AGAP1: variants seen among roughly 807,000 people sequenced by gnomAD.
AGAP1 encodes the protein ArfGAP with GTPase domain, ankyrin repeat and PH domain 1, also known as arf-GAP with GTPase, ANK repeat and PH domain-containing protein 1.
AGAP1 carries 29 observed loss-of-function variants against 105.3 expected under a neutral mutation model. The observed-to-expected ratio is 0.28, with a 90% CI of 0.21 to 0.38. The LOEUF is 0.38. Among genes scored for constraint, AGAP1 ranks in the 10% least tolerant of loss-of-function variants. The pLI is 1.00. For missense variants in AGAP1, 998 were observed against 1,165.1 expected (o/e 0.86, Z 2.09); for synonymous variants, 509 against 485.9 (o/e 1.05, Z -0.63).
In AGAP1 at chr2:235,610,422, G is replaced by A. The variant is rs1051447656; in HGVS notation, c.164-98757G>A. ...AAGTCCAAGATCAGGGTGCTGGCATGGTTGGACTCTGGAGAGACTCTTGTC... is the reference window on the plus strand; with the variant it reads ...AAGTCCAAGATCAGGGTGCTGGCATAGTTGGACTCTGGAGAGACTCTTGTC... On this transcript the variant is annotated intron_variant, in intron 1 of 17. Coordinates refer to ENST00000304032, the MANE Select transcript of AGAP1 (RefSeq NM_001037131.3). This position sits in a 1 kb window ranked among gnomAD's most constrained non-coding sequence, Gnocchi z 4.9. Among the ~76,000 whole-genome samples the A allele has an allele frequency of 6.6e-6, 1 of 152,158 alleles. No individual in the cohort carries two copies. Among genetic ancestry groups the A allele is most frequent in the Admixed American group, 6.5e-5 (1 of 15,272 alleles).
chr2:236,021,959 T>C (rs2056897563), intron 13 of AGAP1, among the ~76,000 whole-genome samples: 2 of 146,708 alleles, frequency 1.4e-5, no homozygotes, highest in African/African-American at 5.1e-5. Context: ...CTCGGGAGGC[T>C]GAGGTGGGAG....
intron 9 of AGAP1, among the ~76,000 whole-genome samples, chr2:235,827,786 G>GA (rs1197638624): frequency 2.0e-5 from 3 of 152,240 alleles, no homozygotes; most frequent in African/African-American, 7.2e-5. Context: ...GAATACTGGA[G>GA]AAATGTAGGC....
rs543190258 is a variant in AGAP1 at position 235,625,820 on chromosome 2, A to G, written c.164-83359A>G. ...ATAATTTAGGATGTTGCCCCACACTATTGGGAGGTGTAGATGTTGCTACTG... is the reference window on the plus strand; with the variant it reads ...ATAATTTAGGATGTTGCCCCACACTGTTGGGAGGTGTAGATGTTGCTACTG... On this transcript the variant is annotated intron_variant, in intron 1 of 17. Coordinates refer to ENST00000304032, the MANE Select transcript of AGAP1 (RefSeq NM_001037131.3). This position sits in a 1 kb window ranked among gnomAD's most constrained non-coding sequence, Gnocchi z 4.0. Among the ~76,000 whole-genome samples the G allele has an allele frequency of 7.9e-5, 12 of 152,298 alleles. No homozygotes were observed. The highest frequency in any genetic ancestry group is 1.0e-4 in the Non-Finnish European group (7 of 68,024).
In AGAP1 at chr2:236,002,610, G is replaced by A. The variant is rs1429562415; in HGVS notation, c.1646-33951G>A. ...CATTCCTGTTCATTGGCGGTCTTTGGCCTTTGAGAGTGGAACTCTGCATCT... is the reference window on the plus strand; with the variant it reads ...CATTCCTGTTCATTGGCGGTCTTTGACCTTTGAGAGTGGAACTCTGCATCT... On this transcript the variant is annotated intron_variant, in intron 13 of 17. Transcript: ENST00000304032. The surrounding 1 kb of genome is among the most constrained non-coding windows in gnomAD (Gnocchi z 4.3). 6.6e-6 allele frequency among the ~76,000 whole-genome samples: 1 copy of A among 152,074 alleles called. No individual in the cohort carries two copies. The highest frequency in any genetic ancestry group is 1.5e-5 in the Non-Finnish European group (1 of 68,034).
At chr2:235,670,075 G>T in intron 1 of AGAP1, 1 of 424,332 alleles carries the variant, frequency 2.4e-6, no homozygotes, top group South Asian at 4.6e-5. Context: ...CGCTGGATGC[G>T]GCGGGGCCCC....
At chr2:236,079,838 A>T (rs2058736941) in intron 16 of AGAP1, among the ~76,000 whole-genome samples, 1 of 152,046 alleles carries the variant, frequency 6.6e-6, no homozygotes, top group Non-Finnish European at 1.5e-5. Context: ...GAAGACTAAC[A>T]CTCAAGGCAC....
chr2:235,763,195 C>T (rs1478367134), intron 6 of AGAP1, among the ~76,000 whole-genome samples: 2 of 152,082 alleles, frequency 1.3e-5, no homozygotes, highest in African/African-American at 4.8e-5. Flanking sequence ...TGGAAATGCT[C>T]CAAAATCCGA....
Position 236,044,012 on chromosome 2 carries a change from C to T in AGAP1, c.1891+3171C>T, listed in dbSNP as rs560484383. 9.9e-5 allele frequency among the ~76,000 whole-genome samples: 15 copies of T among 152,244 alleles called. No individual in the cohort carries two copies. The East Asian group carries it at 2.7e-3, about 28-fold the overall frequency. On this transcript the variant is annotated intron_variant, in intron 15 of 17. Transcript: ENST00000304032. This position sits in a 1 kb window ranked among gnomAD's most constrained non-coding sequence, Gnocchi z 5.7. ...AGAGAATGCTCTAGACCGCCAGGAG[C>T]CCCCTCTGTCTGCTCACTGGGCACA...
Position 235,747,587 on chromosome 2 carries a change from C to T in AGAP1, c.538+2748C>T, listed in dbSNP as rs1389649934. On this transcript the variant is annotated intron_variant, in intron 5 of 17. Transcript: ENST00000304032. The surrounding 1 kb of genome is among the most constrained non-coding windows in gnomAD (Gnocchi z 5.0). ...TTGCAATCAGGGCTGTATTCCTCAC[C>T]TGCGGGATTCTCTTGGTCCTTCCCT... 6.6e-6 allele frequency among the ~76,000 whole-genome samples: 1 copy of T among 152,202 alleles called. No individual in the cohort carries two copies. The highest frequency in any genetic ancestry group is 1.5e-5 in the Non-Finnish European group (1 of 68,042).
intron 10 of AGAP1, among the ~76,000 whole-genome samples, chr2:235,898,269 A>G (rs769505965): frequency 1.3e-4 from 20 of 152,328 alleles, no homozygotes; most frequent in South Asian, 8.3e-4. Context: ...CTCAATAAGC[A>G]AAGGGAACGG....
intron 6 of AGAP1, among the ~76,000 whole-genome samples, chr2:235,785,426 G>C (rs1203285221): frequency 6.6e-6 from 1 of 152,172 alleles, no homozygotes; most frequent in Non-Finnish European, 1.5e-5. Context: ...AACTGGATCT[G>C]TCTCAAGGTT....
At chr2:235,784,756 A>G (rs1266440412) in intron 6 of AGAP1, among the ~76,000 whole-genome samples, 1 of 152,172 alleles carries the variant, frequency 6.6e-6, no homozygotes, top group Non-Finnish European at 1.5e-5. Context: ...CAAATTCATC[A>G]TGCATCTCCT....
At position 235,737,119 on chromosome 2, in the gene AGAP1, G is replaced by A. The variant is rs1952300657; in HGVS notation, c.311-3844G>A. On this transcript the variant is annotated intron_variant, in intron 3 of 17. Transcript: ENST00000304032. This position sits in a 1 kb window ranked among gnomAD's most constrained non-coding sequence, Gnocchi z 4.5. ...AACCTGCTCCCATCAGTAGTGCCCTGCGGGACCTTTTGAAAATCTCCCCAG... is the reference window on the plus strand; with the variant it reads ...AACCTGCTCCCATCAGTAGTGCCCTACGGGACCTTTTGAAAATCTCCCCAG... Among the ~76,000 whole-genome samples, 1 of 152,202 alleles carries A rather than the reference G, an allele frequency of 6.6e-6. No individual in the cohort carries two copies. Among genetic ancestry groups the A allele is most frequent in the African/African-American group, 2.4e-5 (1 of 41,452 alleles).
chr2:235,743,261 G>C (rs1269809790), intron 4 of AGAP1, among the ~76,000 whole-genome samples: 5 of 152,204 alleles, frequency 3.3e-5, no homozygotes, highest in African/African-American at 9.7e-5. Flanking sequence ...CAAGTTGCTG[G>C]GGAAGTCAGA....
chr2:235,941,902 C>T (rs929465488), intron 12 of AGAP1, among the ~76,000 whole-genome samples: 3 of 152,052 alleles, frequency 2.0e-5, no homozygotes, highest in African/African-American at 7.2e-5. Flanking sequence ...AAGGAAGGAG[C>T]GTTCCAGCCC....
rs1194853370 is a variant in AGAP1, at chr2:235,867,762, A to G, written c.1051-15583A>G. ...ATGTCAGGGGAGCCTCAGCAGGGGC[A>G]TCACCTGGATGTACCATTTTCCGCA... On this transcript the variant is annotated intron_variant, in intron 9 of 17. Transcript: ENST00000304032. The surrounding 1 kb of genome is among the most constrained non-coding windows in gnomAD (Gnocchi z 5.4). 6.6e-6 allele frequency among the ~76,000 whole-genome samples: 1 copy of G among 152,158 alleles called. No homozygotes were observed. Among genetic ancestry groups the G allele is most frequent in the African/African-American group, 2.4e-5 (1 of 41,424 alleles).
At chr2:235,597,584 A>G (rs1308696619) in intron 1 of AGAP1, among the ~76,000 whole-genome samples, 1 of 152,186 alleles carries the variant, frequency 6.6e-6, no homozygotes, top group East Asian at 1.9e-4. Flanking sequence ...CACAATTGAT[A>G]CTATTATTAT....
rs1386223319 is a variant in AGAP1, at chr2:236,126,813, G to C, written c.*2691G>C. On this transcript the variant is annotated 3_prime_UTR_variant, in exon 18 of 18. Transcript: ENST00000304032. ...TTTGCCCAGAGCTCGTTGGCAGTCT[G>C]TTTGTATTTCAGTGTCTAACCAGAA... 1 of 152,196 alleles carries C rather than the reference G, an allele frequency of 6.6e-6. No homozygotes were observed. Among genetic ancestry groups the C allele is most frequent in the African/African-American group, 2.4e-5 (1 of 41,436 alleles). 9.4% of individuals were successfully genotyped at this position (152,196 alleles called of 1,614,324 possible).
chr2:235,597,969 C>T (rs73122409), intron 1 of AGAP1, among the ~76,000 whole-genome samples: 4,940 of 85,392 alleles, frequency 0.058, 954 homozygotes, highest in East Asian at 0.17. Flanking sequence ...TTGTGTGGAG[C>T]GTGCACGCGC....
Sources: allele counts gnomAD v4.1 joint callset (sites outside exome capture counted in the v4.1 genomes callset), GRCh38; gene constraint gnomAD v4.1.1; non-coding constraint Gnocchi (gnomAD v3.1); transcripts MANE v1.5; gene names NCBI Gene and HGNC (gene_info 2026-07-23, HGNC 2026-07-21).